The following KANSL1 variants were observed in gnomAD, a reference collection of about 807,000 sequenced individuals.
KANSL1 encodes MLL1/MLL complex subunit KANSL1.
A neutral mutation model predicts 103.6 loss-of-function variants in KANSL1; 22 were observed. That is an observed-to-expected ratio of 0.21 (90% CI 0.15 to 0.30). KANSL1 has a LOEUF of 0.30. Ranked by LOEUF, KANSL1 falls within the 10% of genes least tolerant of loss-of-function variation. KANSL1 has a pLI of 1.00. For missense variants in KANSL1, 1,337 were observed against 1,399.8 expected (o/e 0.96, Z 0.72); for synonymous variants, 600 against 527.6 (o/e 1.14, Z -1.88).
rs139283233 is a variant in KANSL1 at position 46,097,845 on chromosome 17, G to A, written c.1290-3144C>T. The stretch of plus-strand genomic sequence containing the variant: ...AATAAAAAAGAACAAATCTGACCAC[G>A]ACAGAGTAAGACATGAATTAATACT... On this transcript the variant is annotated intron_variant, in intron 2 of 14. Transcript: ENST00000432791. 2.7e-3 allele frequency among the ~76,000 whole-genome samples: 379 copies of A among 142,846 alleles called. 27 individuals are homozygous for A. Among genetic ancestry groups the A allele is most frequent in the African/African-American group, 0.01 (346 of 33,088 alleles). The allele number at this position is 142,846 out of a possible 152,430, so 93.7% of individuals were successfully genotyped here. A position where few individuals can be genotyped will look rare whatever the true frequency, so the allele number is the denominator to read the frequency against.
chr17:46,050,776 A>G, intron 6 of KANSL1, 72 bp from the exon 7 acceptor site: 2 of 1,412,420 alleles, frequency 1.4e-6, no homozygotes, highest in Non-Finnish European at 1.9e-6. Flanking sequence ...TGTTATCCCC[A>G]TTTGTTATTG....
intron 3 of KANSL1, among the ~76,000 whole-genome samples, chr17:46,085,600 C>T (rs2079135263): frequency 6.6e-6 from 1 of 152,216 alleles, no homozygotes; most frequent in Non-Finnish European, 1.5e-5. Flanking sequence ...AGTGATCCTC[C>T]CACCTCAACC....
chr17:46,033,564 C>T (rs1054780611), intron 11 of KANSL1, 104 bp from the exon 12 acceptor site: 1 of 912,072 alleles, frequency 1.1e-6, no homozygotes, highest in Non-Finnish European at 1.8e-6. Context: ...CTGTGGGTGA[C>T]ACTGCTCTCT....
upstream of KANSL1, among the ~76,000 whole-genome samples, chr17:46,198,635 G>A (rs1186292247): frequency 6.6e-6 from 1 of 152,174 alleles, no homozygotes; most frequent in African/African-American, 2.4e-5. Flanking sequence ...GGGAGGCTGA[G>A]GCAGGAGAAT....
In KANSL1 at chr17:46,039,189, C is replaced by G. The variant is rs200103894; in HGVS notation, c.2230G>C (p.Asp744His). Residue 744 changes from aspartate (D) to histidine (H), a missense_variant, in exon 9 of 15, where the codon GAC becomes CAC. By Grantham distance (81) the Asp-to-His change is moderately conservative (BLOSUM62 -1). Transcript: ENST00000432791. ...TCTAAGTGCTGCCTGTGGGTCCTGT[C>G]AGGCCGGGTTTGGTGATGGGACAGC... ...AKLSHHQTRP[D>H]RTHRQHLDDV... is the part of the protein sequence containing the mutation. 133 of 1,595,080 alleles carry G rather than the reference C, an allele frequency of 8.3e-5. No homozygotes were observed. In the East Asian group the frequency reaches 1.5e-3, roughly 18 times the overall value.
At chr17:46,052,583 C>T (rs62063678) in intron 6 of KANSL1, among the ~76,000 whole-genome samples, 105 of 150,632 alleles carry the variant, frequency 7.0e-4, no homozygotes, top group Non-Finnish European at 1.3e-3. Context: ...CCAGCCTGGG[C>T]GACAGAATGA....
At chr17:46,052,617 CAAACAAAA>C (rs2077749189) in intron 6 of KANSL1, among the ~76,000 whole-genome samples, 1 of 147,828 alleles carries the variant, frequency 6.8e-6, no homozygotes, top group Non-Finnish European at 1.5e-5. Context: ...GACAAGCAAA[CAAACAAAA>C]AAACAAAACA....
chr17:46,213,137 T>C (rs1382209855), intron 1 of KANSL1, among the ~76,000 whole-genome samples: 1 of 151,824 alleles, frequency 6.6e-6, no homozygotes, highest in Admixed American at 6.6e-5. Context: ...TAAAAAAAAG[T>C]GAGCTAGAAC....
At chr17:46,102,375 G>T (rs1044901374) in intron 2 of KANSL1, among the ~76,000 whole-genome samples, 1 of 152,148 alleles carries the variant, frequency 6.6e-6, no homozygotes, top group Non-Finnish European at 1.5e-5. Context: ...TCAGCCTCCT[G>T]AGTAGCTGGG....
chr17:46,046,127 G>C (rs1012437115), intron 7 of KANSL1: 2 of 152,174 alleles, frequency 1.3e-5, no homozygotes, highest in Admixed American at 6.5e-5. Context: ...ACAGGCATCA[G>C]ATAATCTGGG....
At chr17:46,082,367 C>T in intron 4 of KANSL1, 74 bp downstream of exon 4, 1 of 896,478 alleles carries the variant, frequency 1.1e-6, no homozygotes, top group Non-Finnish European at 1.8e-6. Context: ...ATCCTAGTTA[C>T]AGAGAAAAAA....
At chr17:46,119,275 A>G (rs1472197988) in intron 2 of KANSL1, among the ~76,000 whole-genome samples, 3 of 151,922 alleles carry the variant, frequency 2.0e-5, no homozygotes, top group Non-Finnish European at 2.9e-5. Context: ...GGTAAAATCT[A>G]CATCTGTATA....
intron 3 of KANSL1, among the ~76,000 whole-genome samples, chr17:46,092,658 T>C (rs866905046): frequency 1.5e-5 from 2 of 136,086 alleles, no homozygotes; most frequent in South Asian, 4.5e-4. Context: ...GCTAGGAAAA[T>C]GTACCATAAT....
At chr17:46,205,680 CAA>C (rs56154541) in intron 1 of KANSL1, among the ~76,000 whole-genome samples, 49 of 93,064 alleles carry the variant, frequency 5.3e-4, no homozygotes, top group Non-Finnish European at 5.7e-4. Context: ...GACACTGTCT[CAA>C]AAAAAAAAAA....
chr17:46,113,932 A>C (rs527766400), intron 2 of KANSL1, among the ~76,000 whole-genome samples: 1 of 152,352 alleles, frequency 6.6e-6, no homozygotes, highest in African/African-American at 2.4e-5. Flanking sequence ...GAAACATTAG[A>C]GATTATCTAT....
chr17:46,152,802 T>G (rs999339587), intron 2 of KANSL1: 4 of 152,162 alleles, frequency 2.6e-5, no homozygotes, highest in Non-Finnish European at 4.4e-5. Flanking sequence ...ATTAGCAAGA[T>G]AGAGAGCAAA....
At chr17:46,220,418 G>T (rs1157486974) in intron 1 of KANSL1, among the ~76,000 whole-genome samples, 1 of 151,764 alleles carries the variant, frequency 6.6e-6, no homozygotes, top group African/African-American at 2.4e-5. Flanking sequence ...GGGTTTCACC[G>T]TGTTAGCCAG....
intron 1 of KANSL1, among the ~76,000 whole-genome samples, chr17:46,218,098 A>G (rs560546875): frequency 1.3e-5 from 2 of 152,366 alleles, no homozygotes; most frequent in South Asian, 4.1e-4. Context: ...AGAAGCTAGA[A>G]GAGAGGCTTG....
intron 1 of KANSL1, among the ~76,000 whole-genome samples, chr17:46,191,974 A>G: frequency 6.8e-6 from 1 of 147,940 alleles, no homozygotes; most frequent in Non-Finnish European, 1.5e-5. Context: ...AAGTCACAGA[A>G]AATGCTCCAG....
Sources: allele counts gnomAD v4.1 joint callset (sites outside exome capture counted in the v4.1 genomes callset), GRCh38; gene constraint gnomAD v4.1.1; transcripts MANE v1.5; gene names NCBI Gene and HGNC (gene_info 2026-07-23, HGNC 2026-07-21).